The following CHST15 variants were observed in gnomAD, a reference collection of about 807,000 sequenced individuals.
CHST15 encodes B cell RAG associated protein (GALNAC4S-6ST).
In CHST15, 30 loss-of-function variants were observed where a neutral mutation model predicts 53.6. That is an observed-to-expected ratio of 0.56 (90% confidence interval 0.42 to 0.76). CHST15 has a LOEUF of 0.76. Ranked by LOEUF, CHST15 falls within the 30% of genes least tolerant of loss-of-function variation. The pLI, the probability that CHST15 is intolerant of heterozygous loss-of-function variation, is 0.00. For synonymous variants in CHST15, 296 were observed against 289.8 expected (o/e 1.02, Z -0.22); for missense variants, 627 against 740.5 (o/e 0.85, Z 1.78).
In CHST15 at chr10:124,019,922, T is replaced by C. The variant is rs1258532411; in HGVS notation, c.1347+1334A>G. 5 of 985,880 alleles carry C rather than the reference T, an allele frequency of 5.1e-6. No individual in the cohort carries two copies. In the African/African-American group the frequency reaches 8.7e-5, roughly 17 times the overall value. 61.1% of individuals were successfully genotyped at this position (985,880 alleles called of 1,614,324 possible). On this transcript the variant is annotated intron_variant, in intron 6 of 7. Coordinates refer to ENST00000435907, the MANE Select transcript of CHST15 (RefSeq NM_001270764.2). This position sits in a 1 kb window ranked among gnomAD's most constrained non-coding sequence, Gnocchi z 4.6. ...GGTAGGTGGTGCTGACCACTGGGCC[T>C]CTGCACACGCTGCTCTCAGTTCCCT...
chr10:124,076,870 C>T (rs1325092425), intron 1 of CHST15, among the ~76,000 whole-genome samples: 4 of 152,092 alleles, frequency 2.6e-5, no homozygotes, highest in East Asian at 1.9e-4. Context: ...CCACCACGCC[C>T]GGCTACTTTT....
At position 124,008,082 on chromosome 10, in the gene CHST15, C is replaced by T. The variant is rs1342333170; in HGVS notation, c.*2067G>A. 7 of 1,231,814 alleles carry T rather than the reference C, an allele frequency of 5.7e-6. No homozygotes were observed. Among genetic ancestry groups the T allele is most frequent in the Non-Finnish European group, 6.1e-6 (6 of 987,910 alleles). The allele number at this position is 1,231,814 out of a possible 1,614,324, so 76.3% of individuals were successfully genotyped here. ...TATAAAAAAGATCCGCATAATAAAC[C>T]AAATAATATTGGAAATAATACCTTC... is the stretch of plus-strand genomic sequence containing the variant. On this transcript the variant is annotated 3_prime_UTR_variant, in exon 8 of 8. Coordinates refer to ENST00000435907, the MANE Select transcript of CHST15 (RefSeq NM_001270764.2).
intron 1 of CHST15, among the ~76,000 whole-genome samples, chr10:124,089,735 C>G (rs1949547114): frequency 6.6e-6 from 1 of 152,192 alleles, no homozygotes; most frequent in African/African-American, 2.4e-5. Context: ...GCTCCCAAGC[C>G]TTGCTTTGCA....
At chr10:124,072,156 C>T (rs1948936202) in intron 1 of CHST15, among the ~76,000 whole-genome samples, 3 of 152,238 alleles carry the variant, frequency 2.0e-5, no homozygotes, top group Admixed American at 2.0e-4. Flanking sequence ...GGAAGACAGC[C>T]GGGCAATAAC....
intron 5 of CHST15, among the ~76,000 whole-genome samples, chr10:124,032,700 T>C (rs369581465): frequency 6.6e-6 from 1 of 152,164 alleles, no homozygotes; most frequent in African/African-American, 2.4e-5. Flanking sequence ...TAGTTTTAAA[T>C]TGTCATGATC....
chr10:124,054,849 T>G (rs955683160), intron 1 of CHST15, among the ~76,000 whole-genome samples: 2 of 152,192 alleles, frequency 1.3e-5, no homozygotes, highest in Non-Finnish European at 2.9e-5. Flanking sequence ...TCCCAAAACA[T>G]GCCAAATTGA....
chr10:124,022,535 C>T (rs535110170), intron 5 of CHST15, among the ~76,000 whole-genome samples: 27 of 152,362 alleles, frequency 1.8e-4, no homozygotes, highest in African/African-American at 6.3e-4. Flanking sequence ...TGCTAATAAA[C>T]ACCAGTGAGA....
intron 4 of CHST15, among the ~76,000 whole-genome samples, chr10:124,040,998 T>C (rs927830709): frequency 2.0e-5 from 3 of 152,158 alleles, no homozygotes; most frequent in Non-Finnish European, 2.9e-5. Context: ...AGGCATATGG[T>C]ATAGGAGTCA....
chr10:124,044,620 G>T lies in CHST15; in HGVS notation c.846C>A (p.Ser282=). 6.3e-7 allele frequency: 1 copy of T among 1,582,034 alleles called. No individual in the cohort carries two copies. Among genetic ancestry groups the T allele is most frequent in the Non-Finnish European group, 8.6e-7 (1 of 1,161,790 alleles). ...RLRLHPEVKF[S]AIKEPHWWTR... ...TCCACCAGTGTGGCTCCTTGATGGC[G>T]GAGAACTTGACCTCAGGGTGCAGCC... Residue 282 remains serine, a synonymous_variant, in exon 3 of 8, where the codon TCC becomes TCA. Coordinates refer to ENST00000435907, the MANE Select transcript of CHST15 (RefSeq NM_001270764.2).
chr10:124,015,822 A>G (rs889824292), intron 6 of CHST15, among the ~76,000 whole-genome samples: 4 of 152,206 alleles, frequency 2.6e-5, no homozygotes, highest in Non-Finnish European at 5.9e-5. Flanking sequence ...GATGCATGCA[A>G]TGGAGAAAAG....
intron 1 of CHST15, among the ~76,000 whole-genome samples, chr10:124,081,559 G>A (rs980142579): frequency 1.3e-5 from 2 of 152,194 alleles, no homozygotes; most frequent in Non-Finnish European, 2.9e-5. Context: ...TCTTATTACA[G>A]TTGTAAAGGT....
intron 1 of CHST15, among the ~76,000 whole-genome samples, chr10:124,073,671 G>A (rs1025001463): frequency 5.9e-5 from 9 of 152,226 alleles, no homozygotes; most frequent in Admixed American, 5.2e-4. Flanking sequence ...GCAACCATTC[G>A]ACAGGCGCAT....
chr10:124,021,612 C>T (rs564270812), intron 5 of CHST15, among the ~76,000 whole-genome samples, 200 bp from the exon 6 acceptor site: 260 of 152,276 alleles, frequency 1.7e-3, no homozygotes, highest in African/African-American at 6.1e-3. Context: ...CTAAGCTCTT[C>T]CAGACCCAGA....
chr10:124,053,016 G>A (rs972012148), intron 1 of CHST15, among the ~76,000 whole-genome samples: 2 of 152,044 alleles, frequency 1.3e-5, no homozygotes, highest in Non-Finnish European at 2.9e-5. Context: ...TTGGGCAACA[G>A]ATCAAGAGTC....
intron 1 of CHST15, among the ~76,000 whole-genome samples, chr10:124,059,325 TA>T (rs1948482530): frequency 2.0e-5 from 3 of 152,304 alleles, no homozygotes; most frequent in Admixed American, 2.0e-4. Context: ...ATTTTCAGAA[TA>T]GGGGTCATTC....
intron 1 of CHST15, among the ~76,000 whole-genome samples, chr10:124,082,740 AAAGG>A (rs1479391755): frequency 6.6e-6 from 1 of 152,256 alleles, no homozygotes; most frequent in Non-Finnish European, 1.5e-5. Context: ...TCAGCCATGA[AAAGG>A]AAGGAAGTGC....
chr10:124,044,042 C>G (rs1947848763), intron 3 of CHST15, among the ~76,000 whole-genome samples: 1 of 149,440 alleles, frequency 6.7e-6, no homozygotes. Flanking sequence ...CAGCACAGAG[C>G]CAAGGAACAG....
chr10:124,020,216 T>C (rs1342624896), intron 6 of CHST15: 1 of 985,402 alleles, frequency 1.0e-6, no homozygotes, highest in Non-Finnish European at 1.2e-6. Context: ...GCAGCATTAT[T>C]ACCCCATTGT....
Position 124,053,617 on chromosome 10 carries a change from C to A in CHST15, c.-512-6893G>T, listed in dbSNP as rs1948280615. On this transcript the variant is annotated intron_variant, in intron 1 of 7. Transcript: ENST00000435907. ...TTGGCTACCACCAGCAGCCGATAGG[C>A]CAATGTAATGATGGAAACTCAGAGG... Among the ~76,000 whole-genome samples, 2 of 151,800 alleles carry A rather than the reference C, an allele frequency of 1.3e-5. 1 individual carries two copies. Among genetic ancestry groups the A allele is most frequent in the African/African-American group, 4.8e-5 (2 of 41,300 alleles).
Sources: allele counts gnomAD v4.1 joint callset (sites outside exome capture counted in the v4.1 genomes callset), GRCh38; gene constraint gnomAD v4.1.1; non-coding constraint Gnocchi (gnomAD v3.1); transcripts MANE v1.5; gene names NCBI Gene and HGNC (gene_info 2026-07-23, HGNC 2026-07-21).